The following DLG2 variants were observed in gnomAD, a reference collection of about 807,000 sequenced individuals.
DLG2 encodes discs large MAGUK scaffold protein 2.
A neutral mutation model predicts 132.5 loss-of-function variants in DLG2; 45 were observed. That is an observed-to-expected ratio of 0.34 (90% CI 0.27 to 0.44). The LOEUF (loss-of-function observed/expected upper bound fraction) is 0.44. DLG2 is among the 20% of genes least tolerant of loss of function. DLG2 has a pLI of 1.00. For missense variants in DLG2, 1,045 were observed against 1,196.9 expected (o/e 0.87, Z 1.87); for synonymous variants, 424 against 419.6 (o/e 1.01, Z -0.13).
chr11:84,103,323 T>C (rs2154184346), intron 9 of DLG2, among the ~76,000 whole-genome samples: 1 of 152,224 alleles, frequency 6.6e-6, no homozygotes, highest in South Asian at 2.1e-4. Context: ...CTGACAATTG[T>C]CCCAGAGCCT....
At chr11:84,731,064 C>G (rs1056115667) in intron 6 of DLG2, among the ~76,000 whole-genome samples, 4 of 151,870 alleles carry the variant, frequency 2.6e-5, no homozygotes, top group Non-Finnish European at 5.9e-5. Flanking sequence ...AGAAAATTAC[C>G]TTTTGGTACA....
intron 4 of DLG2, among the ~76,000 whole-genome samples, chr11:85,279,114 A>G (rs541888431): frequency 2.6e-5 from 4 of 152,332 alleles, no homozygotes; most frequent in Non-Finnish European, 5.9e-5. Context: ...ACCAAGTCCA[A>G]TAAAGAAGAA....
chr11:84,104,035 T>C (rs2092726669), intron 9 of DLG2, among the ~76,000 whole-genome samples: 1 of 152,124 alleles, frequency 6.6e-6, no homozygotes, highest in East Asian at 1.9e-4. Flanking sequence ...ATTTTTCTAG[T>C]GTTAAAAAAA....
At chr11:85,161,848 C>A (rs1049788228) in intron 4 of DLG2, among the ~76,000 whole-genome samples, 1 of 152,148 alleles carries the variant, frequency 6.6e-6, no homozygotes, top group African/African-American at 2.4e-5. Context: ...TTTGTATGCT[C>A]TGAATCAGCA....
At chr11:84,503,820 C>T (rs767970252) in intron 7 of DLG2, among the ~76,000 whole-genome samples, 1 of 152,242 alleles carries the variant, frequency 6.6e-6, no homozygotes, top group Admixed American at 6.5e-5. Context: ...GTAAGCATCA[C>T]TGCATCATTC....
intron 6 of DLG2, among the ~76,000 whole-genome samples, chr11:84,889,925 T>C (rs1439311461): frequency 1.3e-5 from 2 of 152,210 alleles, no homozygotes; most frequent in Admixed American, 1.3e-4. Flanking sequence ...AGGAAACAGA[T>C]TCTAATCTGG....
At chr11:84,149,170 G>T (rs1294789322) in intron 9 of DLG2, among the ~76,000 whole-genome samples, 2 of 152,000 alleles carry the variant, frequency 1.3e-5, no homozygotes, top group Non-Finnish European at 2.9e-5. Context: ...CTGTAAGTTG[G>T]TTGTTTATTC....
intron 3 of DLG2, among the ~76,000 whole-genome samples, chr11:85,562,048 T>C (rs914336731): frequency 2.6e-5 from 4 of 151,938 alleles, no homozygotes; most frequent in South Asian, 2.1e-4. Context: ...CACAGAACTA[T>C]GTTTTCTAAC....
chr11:84,872,246 T>C (rs1054531726), intron 6 of DLG2, among the ~76,000 whole-genome samples: 1 of 152,206 alleles, frequency 6.6e-6, no homozygotes, highest in Non-Finnish European at 1.5e-5. Context: ...ATCTTTACTC[T>C]TTCAAGCAGT....
chr11:84,000,047 T>C lies in DLG2; in HGVS notation c.920-19405A>G, dbSNP rs544942920. On this transcript the variant is annotated intron_variant, in intron 11 of 27. Transcript: ENST00000376104. ...GCAAAAAGAAACATGAGTAAATCAA[T>C]AAAAGAATTCATATTATCAATTCTA... Among the ~76,000 whole-genome samples the C allele has an allele frequency of 3.8e-4, 57 of 151,268 alleles. No homozygotes were observed. In the Middle Eastern group the frequency reaches 0.024, roughly 63 times the overall value.
chr11:84,739,137 C>A (rs1333320939), intron 6 of DLG2, among the ~76,000 whole-genome samples: 1 of 152,008 alleles, frequency 6.6e-6, no homozygotes, highest in Non-Finnish European at 1.5e-5. Flanking sequence ...ATGTACATGT[C>A]TATCAAAACA....
intron 3 of DLG2, among the ~76,000 whole-genome samples, chr11:85,421,879 C>A (rs180733943): frequency 5.9e-5 from 9 of 151,970 alleles, no homozygotes; most frequent in Admixed American, 2.0e-4. Context: ...AGTGGTGGGT[C>A]GGTAGTGGCA....
intron 6 of DLG2, among the ~76,000 whole-genome samples, chr11:84,694,138 G>C (rs930447464): frequency 1.3e-5 from 2 of 151,566 alleles, no homozygotes; most frequent in East Asian, 1.9e-4. Flanking sequence ...GAGAAAGAAA[G>C]GAAGAAAATT....
At chr11:83,710,946 T>C (rs956057930) in intron 18 of DLG2, among the ~76,000 whole-genome samples, 2 of 152,190 alleles carry the variant, frequency 1.3e-5, no homozygotes, top group Non-Finnish European at 2.9e-5. Context: ...GCACTAACTG[T>C]ACCCAAGGAC....
chr11:84,817,905 G>A (rs2077240333), intron 6 of DLG2, among the ~76,000 whole-genome samples: 1 of 151,784 alleles, frequency 6.6e-6, no homozygotes, highest in Non-Finnish European at 1.5e-5. Context: ...ATAGGAAGAG[G>A]TCTTCTTCTG....
At chr11:83,880,966 T>A (rs1176353884) in intron 15 of DLG2, among the ~76,000 whole-genome samples, 1 of 152,220 alleles carries the variant, frequency 6.6e-6, no homozygotes, top group Non-Finnish European at 1.5e-5. Context: ...TTCTTAGTTA[T>A]CTTTGCTTGT....
intron 6 of DLG2, among the ~76,000 whole-genome samples, chr11:84,658,273 A>T (rs925619428): frequency 2.6e-5 from 4 of 152,110 alleles, no homozygotes; most frequent in Admixed American, 1.3e-4. Flanking sequence ...GGAACTACCA[A>T]CCTTGATCAG....
At chr11:84,022,011 T>C (rs1213505779) in intron 11 of DLG2, among the ~76,000 whole-genome samples, 1 of 152,152 alleles carries the variant, frequency 6.6e-6, no homozygotes, top group Non-Finnish European at 1.5e-5. Context: ...CTTCCCAAAG[T>C]GCTGGGATTA....
chr11:84,516,647 G>A (rs11234063), intron 7 of DLG2, among the ~76,000 whole-genome samples: 30,384 of 151,184 alleles, frequency 0.2, 3,249 homozygotes, highest in South Asian at 0.36. Context: ...AAGAATTAAT[G>A]CCAATTCTTC....
Sources: gnomAD v4.1 joint callset for allele counts (sites outside exome capture counted in the v4.1 genomes callset) on GRCh38, gnomAD v4.1.1 for gene constraint, MANE v1.5 for transcripts, NCBI Gene and HGNC (gene_info 2026-07-23, HGNC 2026-07-21) for gene names.